ITPRID1: variants seen among roughly 807,000 people sequenced by gnomAD.
The protein encoded by ITPRID1 is ITPR interacting domain containing 1.
A neutral mutation model predicts 95.4 loss-of-function variants in ITPRID1; 96 were observed. The observed-to-expected ratio is 1.01, with a 90% CI of 0.85 to 1.19. The LOEUF is 1.19. ITPRID1 is among the 50% of genes most tolerant of loss of function. The pLI, the probability that ITPRID1 is intolerant of heterozygous loss-of-function variation, is 0.00. For missense variants in ITPRID1, 1,339 were observed against 1,252.9 expected, an observed-to-expected ratio of 1.07 and a Z score of -1.04; for synonymous variants, 510 against 453.6, an observed-to-expected ratio of 1.12 and a Z score of -1.58.
chr7:31,558,338 T>C lies in ITPRID1; in HGVS notation c.256+3437T>C, dbSNP rs145681489. Among the ~76,000 whole-genome samples, 57 of 152,288 alleles carry C rather than the reference T, an allele frequency of 3.7e-4. 2 individuals are homozygous for C. In the South Asian group the frequency reaches 0.01, roughly 27 times the overall value. ...TAAGATACCCCATCCACATCCCTGTTAGACAAGTCAAAGCATGGGCAATGT... is the reference window on the plus strand; with the variant it reads ...TAAGATACCCCATCCACATCCCTGTCAGACAAGTCAAAGCATGGGCAATGT... On this transcript the variant is annotated intron_variant, in intron 5 of 14. Transcript: ENST00000615280.
At chr7:31,530,105 CAG>C (rs780299182) in intron 1 of ITPRID1, among the ~76,000 whole-genome samples, 4 of 152,124 alleles carry the variant, frequency 2.6e-5, no homozygotes, top group Non-Finnish European at 5.9e-5. Flanking sequence ...GTCTAAAACA[CAG>C]GGGATGAAAA....
chr7:31,657,804 T>A (rs921847250), downstream of ITPRID1, among the ~76,000 whole-genome samples: 2 of 152,184 alleles, frequency 1.3e-5, no homozygotes, highest in African/African-American at 4.8e-5. Context: ...ACAGCAAAAC[T>A]TCTCATTATG....
In ITPRID1 at chr7:31,592,981, C is replaced by A. The variant is rs116951802; in HGVS notation, c.1228+9790C>A. ...GAAAGAAAATATTTTTAATTAAGCCCTTTAAAAATTTATCAAAATTTCATT... is the reference window on the plus strand; with the variant it reads ...GAAAGAAAATATTTTTAATTAAGCCATTTAAAAATTTATCAAAATTTCATT... On this transcript the variant is annotated intron_variant, in intron 10 of 14. Transcript: ENST00000615280. Among the ~76,000 whole-genome samples the A allele has an allele frequency of 4.7e-3, 716 of 152,218 alleles. 12 individuals are homozygous for A. Among genetic ancestry groups the A allele is most frequent in the Middle Eastern group, 6.8e-3 (2 of 294 alleles).
intron 10 of ITPRID1, among the ~76,000 whole-genome samples, chr7:31,633,275 C>G (rs1490659280): frequency 6.6e-6 from 1 of 152,132 alleles, no homozygotes; most frequent in African/African-American, 2.4e-5. Flanking sequence ...CTGCACTACT[C>G]CAAGGAGCAG....
intron 10 of ITPRID1, among the ~76,000 whole-genome samples, chr7:31,608,971 G>A (rs1464710975): frequency 6.6e-6 from 1 of 151,588 alleles, no homozygotes; most frequent in Admixed American, 6.6e-5. Flanking sequence ...TTTTGTAGAT[G>A]TCTTTTATAG....
chr7:31,518,752 T>C (rs1783126562), intron 1 of ITPRID1, among the ~76,000 whole-genome samples: 1 of 152,244 alleles, frequency 6.6e-6, no homozygotes. Context: ...TTTATTCTTC[T>C]GTATTTTAGC....
intron 10 of ITPRID1, among the ~76,000 whole-genome samples, 174 bp from the exon 11 acceptor site, chr7:31,642,002 C>A (rs1790060343): frequency 6.6e-6 from 1 of 152,146 alleles, no homozygotes; most frequent in Non-Finnish European, 1.5e-5. Context: ...TTTAACTGAA[C>A]TCTCTGACAA....
At chr7:31,570,916 C>G (rs191636417) in intron 6 of ITPRID1, among the ~76,000 whole-genome samples, 1 of 152,238 alleles carries the variant, frequency 6.6e-6, no homozygotes, top group Admixed American at 6.5e-5. Flanking sequence ...CTCCTTGAGG[C>G]TCAAGGAGCT....
chr7:31,630,260 A>AAC (rs1181674871), intron 10 of ITPRID1, among the ~76,000 whole-genome samples: 1 of 151,636 alleles, frequency 6.6e-6, no homozygotes, highest in Non-Finnish European at 1.5e-5. Context: ...AAAAAAAAAA[A>AAC]AACATTGAAA....
chr7:31,548,670 GC>G (rs986671373), intron 1 of ITPRID1, among the ~76,000 whole-genome samples: 3 of 152,126 alleles, frequency 2.0e-5, no homozygotes, highest in African/African-American at 7.2e-5. Flanking sequence ...TGGCCCAACA[GC>G]ATGATGTGAT....
At chr7:31,521,393 T>G (rs1276673014) in intron 1 of ITPRID1, among the ~76,000 whole-genome samples, 1 of 152,204 alleles carries the variant, frequency 6.6e-6, no homozygotes, top group Non-Finnish European at 1.5e-5. Flanking sequence ...TTTCAATTAT[T>G]GGTTTTTAGT....
At position 31,598,605 on chromosome 7, in the gene ITPRID1, G is replaced by A. The variant is rs1173143700; in HGVS notation, c.1228+15414G>A. ...TTTTTAGTAGGGACGGGGTTTCACC[G>A]TGTTAGCCAGGATGGTCTCTATCTC... On this transcript the variant is annotated intron_variant, in intron 10 of 14. Transcript: ENST00000615280. Among the ~76,000 whole-genome samples the A allele has an allele frequency of 3.3e-5, 5 of 151,812 alleles. No individual in the cohort carries two copies. The South Asian group carries it at 8.3e-4, about 25-fold the overall frequency.
chr7:31,614,497 G>A (rs1455573720), intron 10 of ITPRID1, among the ~76,000 whole-genome samples: 1 of 152,038 alleles, frequency 6.6e-6, no homozygotes, highest in African/African-American at 2.4e-5. Flanking sequence ...TCTACAAAAG[G>A]CAGATATGAG....
At chr7:31,615,755 T>C (rs974857291) in intron 10 of ITPRID1, among the ~76,000 whole-genome samples, 62 of 147,886 alleles carry the variant, frequency 4.2e-4, no homozygotes, top group African/African-American at 1.5e-3. Context: ...GAGAATTCTT[T>C]TTTTTTTTTT....
intron 1 of ITPRID1, among the ~76,000 whole-genome samples, chr7:31,547,772 A>G (rs1322956091): frequency 6.6e-6 from 1 of 152,172 alleles, no homozygotes. Context: ...ACACTAGAAT[A>G]AAAGCAGGTA....
At chr7:31,589,364 G>A (rs1463533403) in intron 10 of ITPRID1, among the ~76,000 whole-genome samples, 3 of 152,062 alleles carry the variant, frequency 2.0e-5, no homozygotes. Context: ...AAATATATAT[G>A]TAGTTGCAGT....
At chr7:31,559,637 C>A (rs1236529421) in intron 5 of ITPRID1, among the ~76,000 whole-genome samples, 2 of 152,116 alleles carry the variant, frequency 1.3e-5, no homozygotes, top group African/African-American at 4.8e-5. Context: ...TGCACTCCAG[C>A]CTGGGTGACA....
In ITPRID1 at chr7:31,599,662, TTCTC is replaced by T. The variant is rs70986634; in HGVS notation, c.1228+16499_1228+16502del. Reference sequence around the variant, plus strand: ...CTTTCTTTCTTTTTCTTTCTTTCCTTTCTCTCTCTCTCTCTCTCTCTCTCTCTCT... The same window carrying T: ...CTTTCTTTCTTTTTCTTTCTTTCCTTTCTCTCTCTCTCTCTCTCTCTCTCT... On this transcript the variant is annotated intron_variant, in intron 10 of 14. Transcript: ENST00000615280. Among the ~76,000 whole-genome samples the T allele has an allele frequency of 5.1e-4, 16 of 31,426 alleles. 1 individual carries two copies. Among genetic ancestry groups the T allele is most frequent in the African/African-American group, 1.1e-3 (15 of 13,442 alleles). 20.6% of individuals were successfully genotyped at this position (31,426 alleles called of 152,430 possible). A position where few individuals can be genotyped will look rare whatever the true frequency, so the allele number is the denominator to read the frequency against.
intron 10 of ITPRID1, among the ~76,000 whole-genome samples, chr7:31,616,944 T>C (rs114721634): frequency 0.06 from 9,150 of 152,234 alleles, 327 homozygotes; most frequent in South Asian, 0.086. Context: ...CCTGGTCATA[T>C]TCCAATCTAG....
Sources: allele counts gnomAD v4.1 joint callset (sites outside exome capture counted in the v4.1 genomes callset), GRCh38; gene constraint gnomAD v4.1.1; transcripts MANE v1.5; gene names NCBI Gene and HGNC (gene_info 2026-07-23, HGNC 2026-07-21).